Variants in DIP2C observed in about 807,000 individuals in gnomAD.
DIP2C encodes the protein disco-interacting protein 2 homolog C.
DIP2C carries 33 observed loss-of-function variants against 192.4 expected under a neutral mutation model. The ratio of observed to expected loss-of-function variants is 0.17; its 90% CI spans 0.13 to 0.23. DIP2C has a LOEUF of 0.23. DIP2C is among the 10% of genes least tolerant of loss of function. The probability of loss-of-function intolerance (pLI) is 1.00; values close to 1 mark genes in which losing one functional copy is unlikely to be tolerated. For synonymous variants in DIP2C, 979 were observed against 864.1 expected, an observed-to-expected ratio of 1.13 and a Z score of -2.33; for missense variants, 1,537 against 2,110.1, an observed-to-expected ratio of 0.73 and a Z score of 5.32.
intron 4 of DIP2C, among the ~76,000 whole-genome samples, chr10:428,689 CTGAGTAAATTTTGACTCATTT>C (rs1337810027): frequency 3.9e-5 from 6 of 152,102 alleles, no homozygotes; most frequent in Non-Finnish European, 5.9e-5. Flanking sequence ...TGACATCAAT[CTGAGTAAATTTTGACTCATTT>C]CTTCAAAGGC....
intron 1 of DIP2C, among the ~76,000 whole-genome samples, chr10:579,270 G>A (rs1004158855): frequency 1.3e-5 from 2 of 151,628 alleles, no homozygotes; most frequent in African/African-American, 4.9e-5. Flanking sequence ...CATGCATACA[G>A]CATACACACA....
Position 657,756 on chromosome 10 carries a change from A to G in DIP2C, c.85+31738T>C, listed in dbSNP as rs1159859422. Among the ~76,000 whole-genome samples, 633 of 89,620 alleles carry G rather than the reference A, an allele frequency of 7.1e-3. 11 individuals carry two copies. Among genetic ancestry groups the G allele is most frequent in the African/African-American group, 0.025 (577 of 23,140 alleles). 58.8% of individuals were successfully genotyped at this position (89,620 alleles called of 152,430 possible). On this transcript the variant is annotated intron_variant, in intron 1 of 36. Transcript: ENST00000280886. ...CGCTGGACCTGACACTGGACCTGCC[A>G]CTGGACCTGACGCTTGACCTGATGC...
intron 32 of DIP2C, among the ~76,000 whole-genome samples, chr10:292,312 A>G (rs1330152661): frequency 2.0e-5 from 3 of 152,148 alleles, no homozygotes; most frequent in African/African-American, 7.2e-5. Flanking sequence ...TTACAATTTA[A>G]CTGTGTGTCT....
At chr10:337,518 T>C (rs1240599535) in intron 29 of DIP2C, among the ~76,000 whole-genome samples, 4 of 141,144 alleles carry the variant, frequency 2.8e-5, no homozygotes, top group Admixed American at 7.0e-5. Flanking sequence ...TCTGTGTGTG[T>C]GTGCGTGCGT....
intron 31 of DIP2C, among the ~76,000 whole-genome samples, chr10:312,371 A>C (rs754362649): frequency 2.0e-5 from 3 of 152,156 alleles, no homozygotes; most frequent in Non-Finnish European, 4.4e-5. Flanking sequence ...AAATATTCCC[A>C]AAAAGTACAA....
chr10:290,702 G>A (rs748533475), intron 32 of DIP2C, among the ~76,000 whole-genome samples: 1 of 152,240 alleles, frequency 6.6e-6, no homozygotes, highest in Non-Finnish European at 1.5e-5. Flanking sequence ...TGGAGATGAT[G>A]AGGAGAGGGA....
chr10:416,105 G>A (rs570614103), intron 6 of DIP2C, among the ~76,000 whole-genome samples: 23 of 151,824 alleles, frequency 1.5e-4, no homozygotes, highest in Non-Finnish European at 2.9e-4. Context: ...TGTCTACCAC[G>A]TTCCAGGATG....
chr10:383,862 A>T (rs750031362), intron 16 of DIP2C, among the ~76,000 whole-genome samples, 165 bp downstream of exon 16: 11 of 152,022 alleles, frequency 7.2e-5, no homozygotes, highest in Non-Finnish European at 1.5e-4. Flanking sequence ...ATTTTAAGAC[A>T]ATTTCTTTAC....
intron 2 of DIP2C, 54 bp from the exon 3 acceptor site, chr10:472,603 G>C: frequency 6.9e-7 from 1 of 1,454,152 alleles, no homozygotes; most frequent in Non-Finnish European, 9.5e-7. Flanking sequence ...AGCGGAGTCA[G>C]CAGACTCTAA....
chr10:584,199 A>T (rs1248853599), intron 1 of DIP2C, among the ~76,000 whole-genome samples: 1 of 152,180 alleles, frequency 6.6e-6, no homozygotes. Flanking sequence ...GAAAAGAAAA[A>T]TATACACCAA....
intron 1 of DIP2C, among the ~76,000 whole-genome samples, chr10:674,138 G>A (rs1258771700): frequency 1.3e-5 from 2 of 152,004 alleles, no homozygotes; most frequent in East Asian, 3.9e-4. Flanking sequence ...ATAACCCCAA[G>A]CACCCCAATT....
chr10:430,424 C>T (rs575830760), intron 4 of DIP2C: 3 of 152,122 alleles, frequency 2.0e-5, no homozygotes, highest in Non-Finnish European at 2.9e-5. Context: ...CACAACAACC[C>T]GGAGCTCCTG....
chr10:440,146 G>C (rs1175851627), intron 4 of DIP2C, among the ~76,000 whole-genome samples: 3 of 152,182 alleles, frequency 2.0e-5, no homozygotes, highest in African/African-American at 7.2e-5. Context: ...AGAAAATAGA[G>C]AATTTGGGTA....
rs569354235 is a variant in DIP2C, at chr10:274,813, T to C, written c.*2512A>G. The C allele has an allele frequency of 5.3e-5, 8 of 152,248 alleles. No individual in the cohort carries two copies. Among genetic ancestry groups the C allele is most frequent in the African/African-American group, 1.9e-4 (8 of 41,472 alleles). The allele number at this position is 152,248 out of a possible 1,614,324, so 9.4% of individuals were successfully genotyped here. ...GTACCCTCTTTTTGTGCAAGTTGATTACACGGTTTTGTCTGACTTCAAAAG... is the reference window on the plus strand; with the variant it reads ...GTACCCTCTTTTTGTGCAAGTTGATCACACGGTTTTGTCTGACTTCAAAAG... On this transcript the variant is annotated 3_prime_UTR_variant, in exon 37 of 37. Coordinates refer to ENST00000280886, the MANE Select transcript of DIP2C (RefSeq NM_014974.3).
At chr10:549,626 C>T (rs1848485656) in intron 1 of DIP2C, among the ~76,000 whole-genome samples, 1 of 151,964 alleles carries the variant, frequency 6.6e-6, no homozygotes, top group South Asian at 2.1e-4. Context: ...GGAGGGGTGC[C>T]CCCGACCAGG....
intron 1 of DIP2C, among the ~76,000 whole-genome samples, chr10:542,532 C>G (rs994312024): frequency 5.3e-5 from 8 of 152,224 alleles, no homozygotes; most frequent in African/African-American, 1.9e-4. Flanking sequence ...GCCCAGGCTC[C>G]AGAAATGCAC....
intron 1 of DIP2C, among the ~76,000 whole-genome samples, chr10:673,025 T>C (rs2119033483): frequency 6.6e-6 from 1 of 152,330 alleles, no homozygotes; most frequent in African/African-American, 2.4e-5. Flanking sequence ...TAAGGAAATG[T>C]GCAGTGTAAG....
intron 2 of DIP2C, among the ~76,000 whole-genome samples, chr10:474,937 T>TC (rs1413429881): frequency 3.9e-5 from 6 of 152,168 alleles, no homozygotes; most frequent in Non-Finnish European, 1.5e-5. Flanking sequence ...CTTTCTTTTC[T>TC]CCCTCGATAA....
At chr10:506,984 G>C (rs567346015) in intron 1 of DIP2C, among the ~76,000 whole-genome samples, 88 of 152,218 alleles carry the variant, frequency 5.8e-4, no homozygotes, top group Admixed American at 1.8e-3. Flanking sequence ...AGAGGCGTGT[G>C]GTCAAGGACC....
Sources: allele counts gnomAD v4.1 joint callset (sites outside exome capture counted in the v4.1 genomes callset), GRCh38; gene constraint gnomAD v4.1.1; transcripts MANE v1.5; gene names NCBI Gene and HGNC (gene_info 2026-07-23, HGNC 2026-07-21).